Variants in SLC24A2 observed in about 807,000 individuals in gnomAD.
SLC24A2 encodes solute carrier family 24 member 2.
In SLC24A2, 36 loss-of-function variants were observed where a neutral mutation model predicts 62.0. The observed-to-expected ratio is 0.58, with a 90% CI of 0.44 to 0.77. The LOEUF (loss-of-function observed/expected upper bound fraction) is 0.77. Ranked by LOEUF, SLC24A2 falls within the 30% of genes least tolerant of loss-of-function variation. The pLI is 0.00. For synonymous variants in SLC24A2, 358 were observed against 294.0 expected (o/e 1.22, Z -2.23); for missense variants, 846 against 817.9 (o/e 1.03, Z -0.42).
the SLC24A2 span, among the ~76,000 whole-genome samples, chr9:20,050,353 T>G: frequency 6.6e-6 from 1 of 151,434 alleles, no homozygotes; most frequent in African/African-American, 2.4e-5. Flanking sequence ...GAGGTGGAGG[T>G]TGCAGTGAGC....
At chr9:19,775,785 C>T (rs12001177) in intron 2 of SLC24A2, among the ~76,000 whole-genome samples, 7,879 of 152,218 alleles carry the variant, frequency 0.052, 665 homozygotes, top group East Asian at 0.41. Context: ...CAGTGCATTC[C>T]GCTCATTCAG....
the SLC24A2 span, among the ~76,000 whole-genome samples, chr9:20,239,891 T>TG: frequency 7.0e-6 from 1 of 143,492 alleles, no homozygotes; most frequent in Non-Finnish European, 1.5e-5. Context: ...TTTTTTTTTT[T>TG]GTCACGGAGT....
chr9:20,059,714 A>G, the SLC24A2 span, among the ~76,000 whole-genome samples: 1 of 152,116 alleles, frequency 6.6e-6, no homozygotes, highest in East Asian at 1.9e-4. Flanking sequence ...GATCTCTCGC[A>G]AATTGAGAAC....
At chr9:20,182,545 A>G in the SLC24A2 span, among the ~76,000 whole-genome samples, 1 of 152,212 alleles carries the variant, frequency 6.6e-6, no homozygotes, top group African/African-American at 2.4e-5. Context: ...ACAGGAAACC[A>G]AACACTGCAT....
chr9:20,175,272 T>G, the SLC24A2 span, among the ~76,000 whole-genome samples: 1 of 151,710 alleles, frequency 6.6e-6, no homozygotes, highest in South Asian at 2.1e-4. Flanking sequence ...AAACGACAAA[T>G]TGGGTGCAGT....
the SLC24A2 span, among the ~76,000 whole-genome samples, chr9:20,148,468 CAG>C: frequency 2.0e-5 from 3 of 152,174 alleles, no homozygotes; most frequent in East Asian, 5.8e-4. Context: ...TTCCTGCAAT[CAG>C]AGCTGGATGT....
chr9:20,165,479 C>T, the SLC24A2 span, among the ~76,000 whole-genome samples: 1 of 151,680 alleles, frequency 6.6e-6, no homozygotes, highest in Non-Finnish European at 1.5e-5. Flanking sequence ...TGAAATAGAA[C>T]AGAAACAGAG....
chr9:19,645,865 A>G (rs904065425), intron 2 of SLC24A2, among the ~76,000 whole-genome samples: 2 of 152,246 alleles, frequency 1.3e-5, no homozygotes, highest in African/African-American at 2.4e-5. Context: ...AAAGAAGAAG[A>G]AAAGGATCCC....
the SLC24A2 span, among the ~76,000 whole-genome samples, chr9:20,090,681 C>A: frequency 6.6e-6 from 1 of 151,926 alleles, no homozygotes; most frequent in East Asian, 1.9e-4. Flanking sequence ...CCTGTGAAAA[C>A]ATCAAGAAAA....
At chr9:19,523,399 C>G (rs894190411) in intron 9 of SLC24A2, among the ~76,000 whole-genome samples, 2 of 152,060 alleles carry the variant, frequency 1.3e-5, no homozygotes, top group African/African-American at 4.8e-5. Flanking sequence ...ATGTGAGATG[C>G]AAATCATACA....
At chr9:19,604,349 G>C (rs1836926560) in intron 4 of SLC24A2, among the ~76,000 whole-genome samples, 1 of 152,128 alleles carries the variant, frequency 6.6e-6, no homozygotes, top group Admixed American at 6.5e-5. Flanking sequence ...AGAGTCCTCA[G>C]CACACAAAAG....
chr9:20,050,902 G>A, the SLC24A2 span, among the ~76,000 whole-genome samples: 1 of 151,896 alleles, frequency 6.6e-6, no homozygotes. Context: ...ATAATTAAAG[G>A]GTGTATGACT....
chr9:19,644,968 A>T (rs759256515), intron 2 of SLC24A2, among the ~76,000 whole-genome samples: 2 of 152,190 alleles, frequency 1.3e-5, no homozygotes, highest in Non-Finnish European at 2.9e-5. Context: ...TTCAGGCTAA[A>T]TTTGAACAGG....
the SLC24A2 span, among the ~76,000 whole-genome samples, chr9:20,261,683 C>T: frequency 1.3e-5 from 2 of 149,188 alleles, no homozygotes; most frequent in East Asian, 4.0e-4. Context: ...CTATCTTCTA[C>T]TGGTAAAGTA....
chr9:19,802,576 G>A, the SLC24A2 span, among the ~76,000 whole-genome samples: 6 of 152,030 alleles, frequency 3.9e-5, no homozygotes, highest in Non-Finnish European at 8.8e-5. Flanking sequence ...TATCTGATTA[G>A]GAATAATGAT....
chr9:20,164,901 G>T, the SLC24A2 span, among the ~76,000 whole-genome samples: 2 of 147,640 alleles, frequency 1.4e-5, no homozygotes, highest in Non-Finnish European at 3.0e-5. Context: ...ACGAAACACC[G>T]CATATTCTCA....
chr9:20,156,127 C>T, the SLC24A2 span, among the ~76,000 whole-genome samples: 1 of 151,654 alleles, frequency 6.6e-6, no homozygotes, highest in East Asian at 2.0e-4. Context: ...CACCACTACT[C>T]CTGAGATTTT....
At chr9:19,967,300 A>G in the SLC24A2 span, 1 of 152,104 alleles carries the variant, frequency 6.6e-6, no homozygotes, top group South Asian at 2.1e-4. Flanking sequence ...CATTCCTTCA[A>G]CTAGTTTTTC....
chr9:19,546,467 G>A (rs996412627), intron 8 of SLC24A2, among the ~76,000 whole-genome samples: 17 of 152,094 alleles, frequency 1.1e-4, no homozygotes, highest in African/African-American at 2.7e-4. Flanking sequence ...TGAACTTCCC[G>A]GTGGCTTTGT....
Sources: gnomAD v4.1 joint callset for allele counts (sites outside exome capture counted in the v4.1 genomes callset) on GRCh38, gnomAD v4.1.1 for gene constraint, MANE v1.5 for transcripts, NCBI Gene and HGNC (gene_info 2026-07-23, HGNC 2026-07-21) for gene names.